ZNF385D: variants seen among roughly 807,000 people sequenced by gnomAD.
ZNF385D encodes the protein zinc finger protein 385D.
In ZNF385D, 15 loss-of-function variants were observed where a neutral mutation model predicts 35.8. That is an observed-to-expected ratio of 0.42 (90% CI 0.28 to 0.64). ZNF385D has a LOEUF of 0.64. ZNF385D is among the 30% of genes least tolerant of loss of function. ZNF385D has a pLI of 0.23. For synonymous variants in ZNF385D, 212 were observed against 186.8 expected, an observed-to-expected ratio of 1.13 and a Z score of -1.10; for missense variants, 474 against 494.6, an observed-to-expected ratio of 0.96 and a Z score of 0.39.
At chr3:21,435,283 A>G (rs538833388) in intron 5 of ZNF385D, among the ~76,000 whole-genome samples, 61 of 122,062 alleles carry the variant, frequency 5.0e-4, no homozygotes, top group African/African-American at 1.9e-3. Flanking sequence ...TTTTTGAGAC[A>G]GGGTCTCACT....
intron 3 of ZNF385D, among the ~76,000 whole-genome samples, chr3:22,105,483 A>G (rs550485723): frequency 6.6e-6 from 1 of 152,292 alleles, no homozygotes; most frequent in East Asian, 1.9e-4. Context: ...ATATTGGCTC[A>G]CACAATTACG....
chr3:22,275,114 A>G (rs1267428645), intron 2 of ZNF385D, among the ~76,000 whole-genome samples: 1 of 152,142 alleles, frequency 6.6e-6, no homozygotes, highest in Non-Finnish European at 1.5e-5. Flanking sequence ...CACAGTAAAG[A>G]TAAATGCTTC....
chr3:22,081,657 T>C (rs901693453), intron 3 of ZNF385D, among the ~76,000 whole-genome samples: 1 of 152,166 alleles, frequency 6.6e-6, no homozygotes, highest in East Asian at 1.9e-4. Flanking sequence ...TCATCTACCC[T>C]GTTTTTTACA....
At chr3:21,523,771 AT>A (rs11302631) in intron 3 of ZNF385D, among the ~76,000 whole-genome samples, 92,525 of 149,074 alleles carry the variant, frequency 0.62, 28,484 homozygotes, top group East Asian at 0.71. Flanking sequence ...GGCTGTGCAA[AT>A]TTTTTTTTTT....
chr3:21,710,001 C>A (rs1378872521), intron 1 of ZNF385D, among the ~76,000 whole-genome samples: 1 of 152,186 alleles, frequency 6.6e-6, no homozygotes, highest in Admixed American at 6.5e-5. Flanking sequence ...ATGGATGAAT[C>A]TCAAGGGCTT....
At chr3:22,361,033 A>G (rs1696387012) in intron 2 of ZNF385D, among the ~76,000 whole-genome samples, 1 of 152,064 alleles carries the variant, frequency 6.6e-6, no homozygotes, top group Admixed American at 6.5e-5. Context: ...ATTTATGAGG[A>G]AAAAAAGTCA....
At position 22,009,552 on chromosome 3, in the gene ZNF385D, G is replaced by A. The variant is rs58361472; in HGVS notation, c.325+159265C>T. Among the ~76,000 whole-genome samples the A allele has an allele frequency of 3.0e-3, 450 of 151,400 alleles. 4 individuals carry two copies. Among genetic ancestry groups the A allele is most frequent in the African/African-American group, 0.011 (433 of 41,216 alleles). ...TCAGGAGAATGGCACGAACCCAGGA[G>A]GCAGAGCTTGCAGTGAGGCGAAATT... On this transcript the variant is annotated intron_variant, in intron 3 of 5. Coordinates refer to the ZNF385D transcript ENST00000494108.
At chr3:22,335,157 G>A (rs533403360) in intron 2 of ZNF385D, among the ~76,000 whole-genome samples, 2 of 152,232 alleles carry the variant, frequency 1.3e-5, no homozygotes, top group South Asian at 2.1e-4. Context: ...CCTTATCTAT[G>A]TGTTAGGCCT....
At chr3:21,981,255 C>T (rs563378636) in intron 3 of ZNF385D, among the ~76,000 whole-genome samples, 1 of 152,232 alleles carries the variant, frequency 6.6e-6, no homozygotes, top group African/African-American at 2.4e-5. Context: ...TTAATAAAAG[C>T]TATTCTGACT....
At chr3:22,097,433 T>C (rs531051466) in intron 3 of ZNF385D, among the ~76,000 whole-genome samples, 11 of 152,098 alleles carry the variant, frequency 7.2e-5, no homozygotes, top group African/African-American at 2.4e-4. Flanking sequence ...GGCTAGGTCA[T>C]AAATAATGAT....
chr3:21,594,696 A>G (rs1210309207), intron 2 of ZNF385D, among the ~76,000 whole-genome samples: 1 of 152,172 alleles, frequency 6.6e-6, no homozygotes, highest in Admixed American at 6.5e-5. Flanking sequence ...CCTAAATTTT[A>G]AATTGCCCTG....
intron 2 of ZNF385D, among the ~76,000 whole-genome samples, chr3:21,573,247 A>G (rs2063386357): frequency 6.6e-6 from 1 of 152,224 alleles, no homozygotes; most frequent in East Asian, 1.9e-4. Flanking sequence ...TAAAATACCA[A>G]TGGCAAAATG....
intron 2 of ZNF385D, among the ~76,000 whole-genome samples, chr3:22,360,130 C>T (rs940914955): frequency 1.3e-5 from 2 of 151,930 alleles, no homozygotes; most frequent in Non-Finnish European, 2.9e-5. Context: ...AAAGTATTCA[C>T]AGTTTAATTC....
intron 3 of ZNF385D, among the ~76,000 whole-genome samples, chr3:21,937,131 G>GA (rs1701301864): frequency 6.6e-6 from 1 of 151,786 alleles, no homozygotes. Flanking sequence ...TTTTGAGATG[G>GA]AAAAAAATGT....
intron 3 of ZNF385D, among the ~76,000 whole-genome samples, chr3:21,760,293 C>T (rs562774385): frequency 6.4e-4 from 98 of 152,334 alleles, no homozygotes; most frequent in Non-Finnish European, 1.2e-3. Flanking sequence ...GAACTCTGCA[C>T]AGCCATACGT....
chr3:21,863,942 TCAG>T (rs1314260577), intron 3 of ZNF385D, among the ~76,000 whole-genome samples: 43 of 152,142 alleles, frequency 2.8e-4, no homozygotes, highest in African/African-American at 5.1e-4. Flanking sequence ...AGATTCTGAT[TCAG>T]CAAATCTGGG....
chr3:21,439,712 C>T (rs891589710), intron 4 of ZNF385D, among the ~76,000 whole-genome samples: 12 of 152,052 alleles, frequency 7.9e-5, no homozygotes, highest in Admixed American at 2.0e-4. Flanking sequence ...GTGACATCTA[C>T]GTTAGTGTTT....
chr3:22,281,962 G>T (rs1335588362), intron 2 of ZNF385D, among the ~76,000 whole-genome samples: 1 of 151,774 alleles, frequency 6.6e-6, no homozygotes, highest in Non-Finnish European at 1.5e-5. Flanking sequence ...ATTTCCTCTT[G>T]GTTTAATCTA....
At chr3:21,483,813 A>T (rs926874703) in intron 4 of ZNF385D, among the ~76,000 whole-genome samples, 1 of 152,174 alleles carries the variant, frequency 6.6e-6, no homozygotes, top group African/African-American at 2.4e-5. Context: ...TATATATTCT[A>T]GATATAACAT....
Sources: gnomAD v4.1 joint callset for allele counts (sites outside exome capture counted in the v4.1 genomes callset) on GRCh38, gnomAD v4.1.1 for gene constraint, MANE v1.5 for transcripts, NCBI Gene and HGNC (gene_info 2026-07-23, HGNC 2026-07-21) for gene names.